Variants in FOXO3 observed in about 807,000 individuals in gnomAD.
FOXO3 encodes forkhead box protein O3.
A neutral mutation model predicts 41.9 loss-of-function variants in FOXO3; 4 were observed. That is an observed-to-expected ratio of 0.10 (90% CI 0.05 to 0.22). FOXO3 has a LOEUF of 0.22. FOXO3 is among the 10% of genes least tolerant of loss of function. The pLI is 1.00. For synonymous variants in FOXO3, 318 were observed against 389.3 expected, an observed-to-expected ratio of 0.82 and a Z score of 2.16; for missense variants, 534 against 906.8, an observed-to-expected ratio of 0.59 and a Z score of 5.28.
At chr6:108,621,654 C>T (rs1214233999) in intron 1 of FOXO3, among the ~76,000 whole-genome samples, 1 of 152,032 alleles carries the variant, frequency 6.6e-6, no homozygotes, top group African/African-American at 2.4e-5. Context: ...CAGATGTGTC[C>T]AGCTCAAAAT....
At chr6:108,658,780 C>T (rs112096122) in intron 1 of FOXO3, among the ~76,000 whole-genome samples, 1 of 152,296 alleles carries the variant, frequency 6.6e-6, no homozygotes, top group Non-Finnish European at 1.5e-5. Context: ...ATCATGGCCA[C>T]TTTACTAAAG....
chr6:108,613,101 G>T (rs1049781629), intron 1 of FOXO3, among the ~76,000 whole-genome samples: 4 of 152,180 alleles, frequency 2.6e-5, no homozygotes, highest in African/African-American at 9.7e-5. Context: ...ACATTCCTGG[G>T]ATAAATCCCA....
chr6:108,628,074 GT>G (rs1562249804), intron 1 of FOXO3, among the ~76,000 whole-genome samples: 1 of 152,054 alleles, frequency 6.6e-6, no homozygotes, highest in Non-Finnish European at 1.5e-5. Flanking sequence ...CATTGTGCAG[GT>G]TTAGTGAAGT....
At chr6:108,648,960 G>C (rs1434791998) in intron 1 of FOXO3, among the ~76,000 whole-genome samples, 1 of 145,596 alleles carries the variant, frequency 6.9e-6, no homozygotes, top group Admixed American at 7.1e-5. Context: ...TTATACCACT[G>C]CACTCCAGTG....
At chr6:108,629,067 A>G (rs1777888911) in intron 1 of FOXO3, among the ~76,000 whole-genome samples, 1 of 152,184 alleles carries the variant, frequency 6.6e-6, no homozygotes, top group Admixed American at 6.6e-5. Context: ...CATTTTTCAC[A>G]GGTAAATCCT....
intron 1 of FOXO3, among the ~76,000 whole-genome samples, chr6:108,592,120 T>C (rs1285199579): frequency 1.3e-5 from 2 of 152,092 alleles, no homozygotes; most frequent in African/African-American, 4.8e-5. Context: ...CCAGGGGTGA[T>C]GGGGATTGGA....
upstream of FOXO3, among the ~76,000 whole-genome samples, chr6:108,560,543 C>G (rs1478074021): frequency 6.6e-6 from 1 of 152,174 alleles, no homozygotes; most frequent in African/African-American, 2.4e-5. Flanking sequence ...GCGCAGTCCC[C>G]GGGCTCGGGC....
chr6:108,629,074 T>C (rs1445871228), intron 1 of FOXO3, among the ~76,000 whole-genome samples: 2 of 152,082 alleles, frequency 1.3e-5, no homozygotes, highest in Non-Finnish European at 2.9e-5. Flanking sequence ...CACAGGTAAA[T>C]CCTAGTCGAG....
intron 1 of FOXO3, among the ~76,000 whole-genome samples, chr6:108,588,308 C>G (rs963151657): frequency 1.3e-5 from 2 of 151,740 alleles, no homozygotes; most frequent in South Asian, 4.1e-4. Flanking sequence ...GATTGATTTG[C>G]ATAGACCATT....
At chr6:108,575,558 A>G (rs1191530958) in intron 1 of FOXO3, among the ~76,000 whole-genome samples, 1 of 152,204 alleles carries the variant, frequency 6.6e-6, no homozygotes, top group Non-Finnish European at 1.5e-5. Flanking sequence ...TGGGTCTTCC[A>G]GAGTTTTTAT....
chr6:108,648,483 C>T (rs1303205245), intron 1 of FOXO3, among the ~76,000 whole-genome samples: 1 of 152,142 alleles, frequency 6.6e-6, no homozygotes. Flanking sequence ...GTCGTAAAGC[C>T]TTAAGGGTCG....
intron 1 of FOXO3, among the ~76,000 whole-genome samples, chr6:108,636,295 T>A (rs1582801382): frequency 6.6e-6 from 1 of 152,332 alleles, no homozygotes; most frequent in East Asian, 1.9e-4. Flanking sequence ...GTTAGTTTGA[T>A]CTCACAGAGA....
At position 108,664,045 on chromosome 6, in the gene FOXO3, T is replaced by A. The variant is rs1420971849; in HGVS notation, c.1212T>A (p.Thr404=). 1.2e-6 allele frequency: 2 copies of A among 1,614,164 alleles called. No individual in the cohort carries two copies. ...ITLPPSQPSP[T]GGLMQRSSSF... ...TCCCGCCATCCCAGCCATCGCCCAC[T>A]GGGGGACTCATGCAGCGGAGCTCTA... Residue 404 remains threonine (T), a synonymous_variant, in exon 2 of 3, where the codon ACT becomes ACA. Coordinates refer to ENST00000406360, the MANE Select transcript of FOXO3 (RefSeq NM_001455.4).
At chr6:108,598,443 A>G (rs55758249) in intron 1 of FOXO3, among the ~76,000 whole-genome samples, 7,454 of 152,238 alleles carry the variant, frequency 0.049, 306 homozygotes, top group South Asian at 0.21. Context: ...GAACTGAGGC[A>G]ACCACAAGCA....
At chr6:108,656,650 T>A (rs904190557) in intron 1 of FOXO3, 1 of 272,624 alleles carries the variant, frequency 3.7e-6, no homozygotes, top group African/African-American at 2.3e-5. Flanking sequence ...CTTTATTTAA[T>A]CTTCCCAAAG....
intron 1 of FOXO3, among the ~76,000 whole-genome samples, chr6:108,588,989 G>A (rs1345857651): frequency 6.6e-6 from 1 of 152,230 alleles, no homozygotes; most frequent in Non-Finnish European, 1.5e-5. Flanking sequence ...GGGTTCTGCA[G>A]TATAGCATTT....
chr6:108,608,512 C>T (rs750670651), intron 1 of FOXO3, among the ~76,000 whole-genome samples: 1 of 152,168 alleles, frequency 6.6e-6, no homozygotes, highest in South Asian at 2.1e-4. Flanking sequence ...AACAACTACT[C>T]TTTTCTGGTG....
chr6:108,620,487 C>T (rs1044093640), intron 1 of FOXO3, among the ~76,000 whole-genome samples: 1 of 152,078 alleles, frequency 6.6e-6, no homozygotes, highest in South Asian at 2.1e-4. Context: ...TGTATTTCTC[C>T]CATATTACTT....
At chr6:108,566,048 C>T (rs1440185132) in intron 1 of FOXO3, among the ~76,000 whole-genome samples, 1 of 152,090 alleles carries the variant, frequency 6.6e-6, no homozygotes, top group Non-Finnish European at 1.5e-5. Flanking sequence ...ATAGTGTCTT[C>T]GTCAGTGATT....
Sources: gnomAD v4.1 joint callset for allele counts (sites outside exome capture counted in the v4.1 genomes callset) on GRCh38, gnomAD v4.1.1 for gene constraint, MANE v1.5 for transcripts, NCBI Gene and HGNC (gene_info 2026-07-23, HGNC 2026-07-21) for gene names.